Variants in NF2 observed in about 807,000 individuals in gnomAD.
The protein encoded by NF2 is merlin.
Under a neutral mutation model 83.7 loss-of-function variants are expected in NF2, and 8 were observed. That is an observed-to-expected ratio of 0.10 (90% CI 0.06 to 0.17). The LOEUF (loss-of-function observed/expected upper bound fraction) is 0.17. NF2 is among the 10% of genes least tolerant of loss of function. The pLI, the probability that NF2 is intolerant of heterozygous loss-of-function variation, is 1.00. For synonymous variants in NF2, 266 were observed against 269.6 expected, an observed-to-expected ratio of 0.99 and a Z score of 0.13; for missense variants, 533 against 744.4, an observed-to-expected ratio of 0.72 and a Z score of 3.31.
At position 29,678,073 on chromosome 22, in the gene NF2, G is replaced by A; in HGVS notation, c.1447-123G>A. ...AGGGATGGGGACTCGTGGTGGCATT[G>A]GGAGGTGGGACCCGAGTTGTGCCCA... On this transcript the variant is annotated intron_variant, in intron 13 of 15. Coordinates refer to ENST00000338641, the MANE Select transcript of NF2 (RefSeq NM_000268.4). 4.8e-6 allele frequency: 6 copies of A among 1,244,964 alleles called. No individual in the cohort carries two copies. In the South Asian group the frequency reaches 7.2e-5, roughly 15 times the overall value. 77.1% of individuals were successfully genotyped at this position (1,244,964 alleles called of 1,614,324 possible).
chr22:29,669,367 G>A (rs1054841296), intron 10 of NF2, among the ~76,000 whole-genome samples: 1 of 152,154 alleles, frequency 6.6e-6, no homozygotes, highest in Non-Finnish European at 1.5e-5. Flanking sequence ...TGAAGAGCTC[G>A]TGGCAGTGGC....
intron 1 of NF2, among the ~76,000 whole-genome samples, chr22:29,614,445 G>A (rs2065031666): frequency 6.6e-6 from 1 of 152,088 alleles, no homozygotes; most frequent in African/African-American, 2.4e-5. Context: ...AGCTGGGCGT[G>A]GTGGCGGGCG....
chr22:29,670,446 A>C (rs1277721623), intron 10 of NF2, among the ~76,000 whole-genome samples: 6 of 151,826 alleles, frequency 4.0e-5, no homozygotes, highest in Non-Finnish European at 8.8e-5. Flanking sequence ...TACAAGGAGA[A>C]AATTGGAGAA....
At chr22:29,650,681 C>T (rs1280980752) in intron 4 of NF2, among the ~76,000 whole-genome samples, 1 of 149,412 alleles carries the variant, frequency 6.7e-6, no homozygotes, top group East Asian at 2.0e-4. Context: ...TTCTTTCTTC[C>T]TTTCTTCCTT....
chr22:29,664,764 G>A (rs1202976466), intron 8 of NF2, among the ~76,000 whole-genome samples: 1 of 152,180 alleles, frequency 6.6e-6, no homozygotes, highest in Non-Finnish European at 1.5e-5. Context: ...CCACACTCAT[G>A]CCTAAGATGG....
chr22:29,644,979 G>A (rs997411524), intron 4 of NF2, among the ~76,000 whole-genome samples: 2 of 152,178 alleles, frequency 1.3e-5, no homozygotes, highest in African/African-American at 4.8e-5. Context: ...GAGGGCACTT[G>A]TGTGATTTTA....
At chr22:29,669,687 G>T (rs539214038) in intron 10 of NF2, among the ~76,000 whole-genome samples, 1 of 152,326 alleles carries the variant, frequency 6.6e-6, no homozygotes, top group East Asian at 1.9e-4. Flanking sequence ...GAACACTGCA[G>T]ATCGGCACTG....
chr22:29,611,474 C>T (rs146848311), intron 1 of NF2, among the ~76,000 whole-genome samples: 2,149 of 152,216 alleles, frequency 0.014, 26 homozygotes, highest in Non-Finnish European at 0.021. Flanking sequence ...TTGCAGTGAG[C>T]TGAGATAGCA....
intron 6 of NF2, among the ~76,000 whole-genome samples, chr22:29,656,552 C>A (rs1039480183): frequency 2.0e-5 from 3 of 151,662 alleles, no homozygotes; most frequent in African/African-American, 7.3e-5. Context: ...GCTGGGACTA[C>A]AGGCACCCGC....
At chr22:29,622,055 T>C (rs2065229541) in intron 1 of NF2, among the ~76,000 whole-genome samples, 1 of 152,100 alleles carries the variant, frequency 6.6e-6, no homozygotes, top group Non-Finnish European at 1.5e-5. Flanking sequence ...AAAAGAGAAG[T>C]AGGAGAGAAA....
In NF2 at chr22:29,695,162, G is replaced by A; in HGVS notation, c.*360G>A. 2 of 445,860 alleles carry A rather than the reference G, an allele frequency of 4.5e-6. No homozygotes were observed. The highest frequency in any genetic ancestry group is 4.7e-5 in the South Asian group (2 of 42,366). 27.6% of individuals were successfully genotyped at this position (445,860 alleles called of 1,614,324 possible). A position where few individuals can be genotyped will look rare whatever the true frequency, so the allele number is the denominator to read the frequency against. On this transcript the variant is annotated 3_prime_UTR_variant, in exon 16 of 16. Coordinates refer to ENST00000338641, the MANE Select transcript of NF2 (RefSeq NM_000268.4). This position sits in a 1 kb window ranked among gnomAD's most constrained non-coding sequence, Gnocchi z 5.4. Reference sequence around the variant, plus strand: ...CGCCCAGCCTGGGAAGTCATTGTAGGGAGTGAGACACTGAAGCCCTGAGAA... The same window carrying A: ...CGCCCAGCCTGGGAAGTCATTGTAGAGAGTGAGACACTGAAGCCCTGAGAA...
At position 29,671,871 on chromosome 22, in the gene NF2, G is replaced by A. The variant is rs2147072299; in HGVS notation, c.1045G>A (p.Ala349Thr). Reference protein sequence around the residue: ...LAREKQMREEAERTRDELERR... With the variant: ...LAREKQMREETERTRDELERR... Reference sequence around the variant, plus strand: ...TCGAGAGAAGCAGATGAGGGAGGAGGCTGAACGCACGAGGGATGAGTTGGA... The same window carrying A: ...TCGAGAGAAGCAGATGAGGGAGGAGACTGAACGCACGAGGGATGAGTTGGA... The change falls in exon 11 of 16, where the codon GCT (alanine) becomes ACT (threonine). Residue 349 changes from alanine to threonine, a missense_variant. Transcript: ENST00000338641. The A allele has an allele frequency of 1.2e-6, 2 of 1,614,186 alleles. No individual in the cohort carries two copies. Among genetic ancestry groups the A allele is most frequent in the Non-Finnish European group, 1.7e-6 (2 of 1,180,034 alleles).
intron 5 of NF2, 23 bp downstream of exon 5, chr22:29,654,748 C>T (rs2146967753): frequency 1.9e-6 from 3 of 1,575,598 alleles, no homozygotes; most frequent in Non-Finnish European, 2.6e-6. Context: ...ATTCCCTTTT[C>T]AGGAAGACAT....
chr22:29,689,407 G>A (rs188228796), intron 15 of NF2, among the ~76,000 whole-genome samples: 4 of 152,134 alleles, frequency 2.6e-5, no homozygotes, highest in Non-Finnish European at 5.9e-5. Context: ...GGATCTGCAC[G>A]TCCTTTTGTG....
rs2067517185 is a variant in NF2, at chr22:29,695,240, A to G, written c.*438A>G. On this transcript the variant is annotated 3_prime_UTR_variant, in exon 16 of 16. Transcript: ENST00000338641. This position sits in a 1 kb window ranked among gnomAD's most constrained non-coding sequence, Gnocchi z 5.4. Reference sequence around the variant, plus strand: ...AGGGTTCCGGAACATTCATTCCCCCACCGGTGAGGACCTGGCATGCAGCGA... The same window carrying G: ...AGGGTTCCGGAACATTCATTCCCCCGCCGGTGAGGACCTGGCATGCAGCGA... The G allele has an allele frequency of 8.7e-6, 3 of 345,556 alleles. No individual in the cohort carries two copies. The South Asian group carries it at 1.3e-4, about 15-fold the overall frequency. 21.4% of individuals were successfully genotyped at this position (345,556 alleles called of 1,614,324 possible).
chr22:29,663,531 A>G (rs942476512), intron 8 of NF2, among the ~76,000 whole-genome samples: 1 of 152,250 alleles, frequency 6.6e-6, no homozygotes, highest in African/African-American at 2.4e-5. Context: ...ACGCCCTGGC[A>G]TGGTGCAGAG....
chr22:29,641,557 G>A (rs1023537299), intron 3 of NF2, among the ~76,000 whole-genome samples: 4 of 152,168 alleles, frequency 2.6e-5, no homozygotes, highest in East Asian at 1.9e-4. Context: ...CCCCTGCCAC[G>A]TCATGCAGTT....
At position 29,673,475 on chromosome 22, in the gene NF2, G is replaced by C. The variant is rs2066867871; in HGVS notation, c.1329G>C (p.Glu443Asp). ...AEVLALKMAE[E>D]SERRAKEADQ... ...TGCTGGCACTGAAGATGGCTGAGGA[G>C]TCAGAGAGGAGGTGAGGGGGCACCG... The change falls in exon 12 of 16, where the codon GAG becomes GAC. Residue 443 changes from glutamate (E) to aspartate (D), a missense_variant. Around this residue, in one of 3 missense-constraint regions of NF2, gnomAD observed 199 missense variants for 240.7 expected, o/e 0.83. Transcript: ENST00000338641. The C allele has an allele frequency of 1.2e-6, 2 of 1,608,754 alleles. No homozygotes were observed. Among genetic ancestry groups the C allele is most frequent in the South Asian group, 1.1e-5 (1 of 89,408 alleles).
chr22:29,678,200 T>C lies in NF2; in HGVS notation c.1451T>C (p.Met484Thr), dbSNP rs141538143. 239 of 1,614,048 alleles carry C rather than the reference T, an allele frequency of 1.5e-4. 3 individuals carry two copies. The African/African-American group carries it at 2.9e-3, about 19-fold the overall frequency. ...EIATKPTYPPMNPIPAPLPPD... is the reference protein window; with the variant it reads ...EIATKPTYPPTNPIPAPLPPD... ...TCCGAAATTTCTCATTAACAGCCCA[T>C]GAACCCAATTCCAGCACCGTTGCCT... Residue 484 changes from methionine (M) to threonine (T), a missense_variant, in exon 14 of 16, where the codon ATG (methionine) becomes ACG (threonine). Transcript: ENST00000338641.
Sources: allele counts gnomAD v4.1 joint callset (sites outside exome capture counted in the v4.1 genomes callset), GRCh38; gene constraint gnomAD v4.1.1; regional missense constraint gnomAD v4.1.1; non-coding constraint Gnocchi (gnomAD v3.1); transcripts MANE v1.5; gene names NCBI Gene and HGNC (gene_info 2026-07-23, HGNC 2026-07-21).